DET1: variants seen among roughly 807,000 people sequenced by gnomAD.
The protein encoded by DET1 is DET1 homolog.
Under a neutral mutation model 43.7 loss-of-function variants are expected in DET1, and 22 were observed. The observed-to-expected ratio is 0.50, with a 90% confidence interval of 0.36 to 0.72. DET1 has a LOEUF of 0.72. Ranked by LOEUF, DET1 falls within the 30% of genes least tolerant of loss-of-function variation. The probability of loss-of-function intolerance (pLI) is 0.00; values close to 1 mark genes in which losing one functional copy is unlikely to be tolerated. For synonymous variants in DET1, 315 were observed against 266.2 expected (o/e 1.18, Z -1.79); for missense variants, 713 against 713.3 (o/e 1.00, Z 0.00).
At chr15:88,534,482 GC>G (rs1000430099) in intron 1 of DET1, among the ~76,000 whole-genome samples, 26 of 152,182 alleles carry the variant, frequency 1.7e-4, no homozygotes, top group Non-Finnish European at 2.6e-4. Context: ...GATAATTAAA[GC>G]CCCAATTTTG....
chr15:88,525,668 T>G (rs1365122304), intron 3 of DET1, among the ~76,000 whole-genome samples: 1 of 152,026 alleles, frequency 6.6e-6, no homozygotes, highest in Non-Finnish European at 1.5e-5. Flanking sequence ...GTTCTTTTTG[T>G]TTTTTGTTTT....
At position 88,521,038 on chromosome 15, in the gene DET1, T is replaced by C. The variant is rs527351417; in HGVS notation, c.1272-4065A>G. On this transcript the variant is annotated intron_variant, in intron 3 of 4. Coordinates refer to ENST00000268148, the MANE Select transcript of DET1 (RefSeq NM_001144074.3). ...CTCAAACATGACACAATCTACCTCA[T>C]CTATAGTTAAAGCCAAAGCCATAGA... Among the ~76,000 whole-genome samples, 49 of 152,276 alleles carry C rather than the reference T, an allele frequency of 3.2e-4. No individual in the cohort carries two copies. In the South Asian group the frequency reaches 8.9e-3, roughly 28 times the overall value.
chr15:88,525,232 A>G (rs540494705), intron 3 of DET1, among the ~76,000 whole-genome samples: 21 of 152,344 alleles, frequency 1.4e-4, no homozygotes, highest in African/African-American at 4.3e-4. Context: ...AATGTTTAAT[A>G]TCCACTGAAA....
intron 1 of DET1, among the ~76,000 whole-genome samples, chr15:88,539,079 G>T (rs1287950258): frequency 7.2e-6 from 1 of 139,302 alleles, no homozygotes; most frequent in Non-Finnish European, 1.5e-5. Context: ...GCTGAGCCTT[G>T]GTTTCTGGCA....
rs370107045 is a variant in DET1 at position 88,523,362 on chromosome 15, T to C, written c.1271+4237A>G. On this transcript the variant is annotated intron_variant, in intron 3 of 4. Transcript: ENST00000268148. ...TTGCTGGGAAAAGATTACTATAAAA[T>C]TTAGCATTTAGAACCATGTGTTCAC... Among the ~76,000 whole-genome samples the C allele has an allele frequency of 5.3e-5, 8 of 152,134 alleles. No individual in the cohort carries two copies. In the East Asian group the frequency reaches 7.7e-4, roughly 15 times the overall value.
Position 88,543,605 on chromosome 15 carries a change from C to T in DET1, c.-11+2935G>A, listed in dbSNP as rs2057169337. Among the ~76,000 whole-genome samples the T allele has an allele frequency of 2.0e-5, 3 of 152,308 alleles. No individual in the cohort carries two copies. In the South Asian group the frequency reaches 6.2e-4, roughly 32 times the overall value. On this transcript the variant is annotated intron_variant, in intron 1 of 4. Coordinates refer to ENST00000268148, the MANE Select transcript of DET1 (RefSeq NM_001144074.3). ...TTTCTCAAGCAGCGAGTATGAAAGG[C>T]CGGTGCAGCTGTTACCACGGAGACA...
chr15:88,539,297 C>T (rs7171521), intron 1 of DET1, among the ~76,000 whole-genome samples: 108,969 of 151,720 alleles, frequency 0.72, 39,835 homozygotes, highest in African/African-American at 0.86. Context: ...GGCGACCTCA[C>T]AAGGCTTAAG....
In DET1 at chr15:88,504,191, G is replaced by C. The variant is rs937779425; in HGVS notation, c.*2066-204C>G. 6.6e-6 allele frequency: 1 copy of C among 150,736 alleles called. No individual in the cohort carries two copies. The highest frequency in any genetic ancestry group is 1.5e-5 in the Non-Finnish European group (1 of 67,606). The allele number at this position is 150,736 out of a possible 1,614,324, so 9.3% of individuals were successfully genotyped here. On this transcript the variant is annotated intron_variant and NMD_transcript_variant, in intron 7 of 8. Coordinates refer to the DET1 transcript ENST00000557842. The surrounding 1 kb of genome is among the most constrained non-coding windows in gnomAD (Gnocchi z 4.7). ...CAGGAAGCCTCAGTTCCTCAGCAAG[G>C]AGATCTCTCCAGGAGCTTGCCTGTG... is the stretch of plus-strand genomic sequence containing the variant.
chr15:88,528,230 G>T (rs558867291), intron 2 of DET1, among the ~76,000 whole-genome samples: 1 of 152,294 alleles, frequency 6.6e-6, no homozygotes, highest in Non-Finnish European at 1.5e-5. Flanking sequence ...TGCTGAAAAA[G>T]TGATTTGCAG....
At chr15:88,519,877 T>C (rs1426622365) in intron 3 of DET1, among the ~76,000 whole-genome samples, 1 of 152,170 alleles carries the variant, frequency 6.6e-6, no homozygotes, top group Non-Finnish European at 1.5e-5. Context: ...TGCATTTCCA[T>C]AGTCCTTCCA....
intron 1 of DET1, among the ~76,000 whole-genome samples, chr15:88,537,600 G>A (rs1287836653): frequency 2.6e-5 from 4 of 152,208 alleles, no homozygotes; most frequent in African/African-American, 9.7e-5. Context: ...TTGAGCAGCT[G>A]AGATGAAGAT....
At chr15:88,528,590 G>A (rs2056730588) in intron 2 of DET1, among the ~76,000 whole-genome samples, 2 of 152,190 alleles carry the variant, frequency 1.3e-5, no homozygotes, top group South Asian at 4.1e-4. Context: ...CCCCTTGGTG[G>A]CTAGCCCTCT....
At chr15:88,524,509 C>T (rs1160537846) in intron 3 of DET1, among the ~76,000 whole-genome samples, 2 of 152,124 alleles carry the variant, frequency 1.3e-5, no homozygotes, top group South Asian at 2.1e-4. Context: ...GCGGTTTTGT[C>T]GAATAGAAAA....
chr15:88,527,571 G>A, intron 3 of DET1, 28 bp downstream of exon 3: 2 of 1,544,884 alleles, frequency 1.3e-6, no homozygotes, highest in Non-Finnish European at 1.7e-6. Context: ...CTAAAGAAAA[G>A]ACTGTTGAGT....
chr15:88,545,614 A>C (rs1464798943), intron 1 of DET1, among the ~76,000 whole-genome samples: 1 of 151,374 alleles, frequency 6.6e-6, no homozygotes, highest in Non-Finnish European at 1.5e-5. Flanking sequence ...TTGGTTTCTT[A>C]ATTTTGTAAA....
At chr15:88,542,189 G>A (rs1039594379) in intron 1 of DET1, among the ~76,000 whole-genome samples, 12 of 152,156 alleles carry the variant, frequency 7.9e-5, no homozygotes, top group African/African-American at 2.9e-4. Context: ...GAGAGGGAGC[G>A]CATCTGAAGA....
intron 8 of DET1, chr15:88,502,535 G>T (rs2056098950): frequency 6.6e-6 from 1 of 152,248 alleles, no homozygotes; most frequent in African/African-American, 2.4e-5. Flanking sequence ...GCAGTGTGGG[G>T]AGCCTTCGAG....
In DET1 at chr15:88,527,589, A is replaced by C; in HGVS notation, c.1271+10T>G. On this transcript the variant is annotated intron_variant, in intron 3 of 4. Coordinates refer to ENST00000268148, the MANE Select transcript of DET1 (RefSeq NM_001144074.3). ...AAGAAAAGACTGTTGAGTCTGGTGG[A>C]ACAGCTTACCGGCGCTGGATCTGCC... 4.4e-6 allele frequency: 7 copies of C among 1,585,494 alleles called. No individual in the cohort carries two copies. Among genetic ancestry groups the C allele is most frequent in the Non-Finnish European group, 6.0e-6 (7 of 1,164,260 alleles).
At position 88,515,538 on chromosome 15, in the gene DET1, T is replaced by TAAAAAAAAAAA. The variant is rs1491544233; in HGVS notation, c.1463+1243_1463+1244insTTTTTTTTTTT. On this transcript the variant is annotated intron_variant, in intron 4 of 4. Transcript: ENST00000268148. ...TGGGCAACAGACAGAGACTCCGTCTTATAAAAAAAAAAAAAAAAAAAAAAA... is the reference window on the plus strand; with the variant it reads ...TGGGCAACAGACAGAGACTCCGTCTTAAAAAAAAAAAATAAAAAAAAAAAAAAAAAAAAAAA... Among the ~76,000 whole-genome samples, 319 of 47,478 alleles carry TAAAAAAAAAAA rather than the reference T, an allele frequency of 6.7e-3. 151 individuals carry two copies. Among genetic ancestry groups the TAAAAAAAAAAA allele is most frequent in the East Asian group, 9.3e-3 (11 of 1,178 alleles). 31.1% of individuals were successfully genotyped at this position (47,478 alleles called of 152,430 possible). A position where few individuals can be genotyped will look rare whatever the true frequency, so the allele number is the denominator to read the frequency against.
Sources: allele counts gnomAD v4.1 joint callset (sites outside exome capture counted in the v4.1 genomes callset), GRCh38; gene constraint gnomAD v4.1.1; non-coding constraint Gnocchi (gnomAD v3.1); transcripts MANE v1.5; gene names NCBI Gene and HGNC (gene_info 2026-07-23, HGNC 2026-07-21).